Variants in KCNK10 observed in about 807,000 individuals in gnomAD.
KCNK10 encodes the protein potassium channel subfamily K member 10.
Under a neutral mutation model 47.7 loss-of-function variants are expected in KCNK10, and 25 were observed. The observed-to-expected ratio is 0.52, with a 90% CI of 0.38 to 0.73. The LOEUF is 0.73. Ranked by LOEUF, KCNK10 falls within the 30% of genes least tolerant of loss-of-function variation. The pLI is 0.00. For missense variants in KCNK10, 563 were observed against 714.5 expected, an observed-to-expected ratio of 0.79 and a Z score of 2.42; for synonymous variants, 303 against 285.6, an observed-to-expected ratio of 1.06 and a Z score of -0.61.
At chr14:88,288,335 C>T (rs569762395) in intron 1 of KCNK10, among the ~76,000 whole-genome samples, 2 of 152,292 alleles carry the variant, frequency 1.3e-5, no homozygotes, top group Admixed American at 6.5e-5. Context: ...CCCAACTCTG[C>T]CTCTTCTCCT....
intron 2 of KCNK10, among the ~76,000 whole-genome samples, chr14:88,261,008 T>C (rs1595111307): frequency 6.6e-6 from 1 of 152,190 alleles, no homozygotes; most frequent in Admixed American, 6.5e-5. Context: ...GAATGGGCAA[T>C]ACGGAAATGC....
At chr14:88,225,801 C>T (rs925111220) in intron 4 of KCNK10, among the ~76,000 whole-genome samples, 3 of 152,218 alleles carry the variant, frequency 2.0e-5, no homozygotes, top group African/African-American at 7.2e-5. Flanking sequence ...TAAAAGGGTG[C>T]TTCCAAGAAG....
chr14:88,311,767 A>G (rs114915428), intron 1 of KCNK10, among the ~76,000 whole-genome samples: 3,036 of 152,090 alleles, frequency 0.02, 110 homozygotes, highest in African/African-American at 0.069. Flanking sequence ...GGGCTACAGG[A>G]AGTGTTGAGT....
upstream of KCNK10, chr14:88,326,571 G>C (rs1235180952): frequency 1.3e-6 from 1 of 780,882 alleles, no homozygotes; most frequent in Non-Finnish European, 2.1e-6. Context: ...CGTTCCTGCG[G>C]CAGGAAAACA....
intron 2 of KCNK10, among the ~76,000 whole-genome samples, chr14:88,244,215 T>C (rs1886559569): frequency 6.6e-6 from 1 of 152,186 alleles, no homozygotes; most frequent in Non-Finnish European, 1.5e-5. Flanking sequence ...GGGTTATAAC[T>C]GACGTTACCA....
intron 4 of KCNK10, among the ~76,000 whole-genome samples, 187 bp downstream of exon 4, chr14:88,227,188 C>G (rs975688050): frequency 3.0e-4 from 45 of 152,152 alleles, no homozygotes; most frequent in African/African-American, 1.1e-3. Context: ...AAATAGGAAG[C>G]TACTCAAAGA....
rs185694173 is a variant in KCNK10 at position 88,196,957 on chromosome 14, A to G, written c.682-4547T>C. ...TCTATAAACTATGAGTAGAGCTTTT[A>G]AACACTCTCTGCCTAAAATCTCCAT... On this transcript the variant is annotated intron_variant, in intron 4 of 6. Transcript: ENST00000319231. Among the ~76,000 whole-genome samples, 777 of 152,344 alleles carry G rather than the reference A, an allele frequency of 5.1e-3. 16 individuals carry two copies. The highest frequency in any genetic ancestry group is 2.6e-3 in the Non-Finnish European group (178 of 68,034).
rs11159843 is a variant in KCNK10, at chr14:88,184,300, T to A, written c.*1235A>T. ...GAAACAAGCAAGGAGCAGTGGTGAC[T>A]TTTTCAGAATAAAGGAATGCCCAAA... On this transcript the variant is annotated 3_prime_UTR_variant, in exon 7 of 7. Coordinates refer to ENST00000319231, the MANE Select transcript of KCNK10 (RefSeq NM_138317.3). 0.31 allele frequency: 47,657 copies of A among 152,186 alleles called. 7,865 individuals are homozygous for A. Among genetic ancestry groups the A allele is most frequent in the East Asian group, 0.49 (2,605 of 5,300 alleles). 9.4% of individuals were successfully genotyped at this position (152,186 alleles called of 1,614,324 possible). A position where few individuals can be genotyped will look rare whatever the true frequency, so the allele number is the denominator to read the frequency against.
chr14:88,257,407 CA>C (rs1329849858), intron 2 of KCNK10, among the ~76,000 whole-genome samples: 4 of 152,240 alleles, frequency 2.6e-5, no homozygotes, highest in African/African-American at 7.2e-5. Context: ...TGATCACTTT[CA>C]ATGCCTCAAA....
At position 88,249,547 on chromosome 14, in the gene KCNK10, A is replaced by T. The variant is rs189853829; in HGVS notation, c.403-8727T>A. Among the ~76,000 whole-genome samples the T allele has an allele frequency of 4.3e-4, 66 of 152,288 alleles. 1 individual carries two copies. Among genetic ancestry groups the T allele is most frequent in the Admixed American group, 3.6e-3 (55 of 15,296 alleles). On this transcript the variant is annotated intron_variant, in intron 2 of 6. Coordinates refer to ENST00000319231, the MANE Select transcript of KCNK10 (RefSeq NM_138317.3). The stretch of plus-strand genomic sequence containing the variant: ...CTTGTCTTCTAGAACCAATCTAGTA[A>T]CCAATAGCTACTGGGCTGTAACTAT...
intron 3 of KCNK10, among the ~76,000 whole-genome samples, chr14:88,229,107 A>G (rs1301478517): frequency 6.6e-6 from 1 of 152,230 alleles, no homozygotes; most frequent in Non-Finnish European, 1.5e-5. Context: ...CTGTCTCACA[A>G]TAGCCTAACT....
chr14:88,189,013 A>G (rs986322488), intron 5 of KCNK10, among the ~76,000 whole-genome samples: 26 of 152,208 alleles, frequency 1.7e-4, no homozygotes, highest in African/African-American at 6.0e-4. Flanking sequence ...GGGAAACGCT[A>G]TTGCCTAAGG....
chr14:88,236,429 A>G (rs1886304682), intron 3 of KCNK10, among the ~76,000 whole-genome samples: 1 of 152,262 alleles, frequency 6.6e-6, no homozygotes, highest in African/African-American at 2.4e-5. Flanking sequence ...CTCACAGAAT[A>G]TTGCTCCCCT....
chr14:88,310,683 A>G (rs894457704), intron 1 of KCNK10, among the ~76,000 whole-genome samples: 5 of 152,232 alleles, frequency 3.3e-5, no homozygotes, highest in African/African-American at 1.2e-4. Context: ...AGCTTTCATT[A>G]ATTCAGGCTT....
intron 1 of KCNK10, among the ~76,000 whole-genome samples, chr14:88,305,823 T>C (rs1725662582): frequency 6.6e-6 from 1 of 152,214 alleles, no homozygotes; most frequent in Admixed American, 6.5e-5. Context: ...AACTAGCTAC[T>C]GCTGTCGCCC....
chr14:88,277,107 A>T (rs2139768390), intron 1 of KCNK10, among the ~76,000 whole-genome samples: 1 of 152,178 alleles, frequency 6.6e-6, no homozygotes. Context: ...ACACCCCAAC[A>T]CACTGCTTTG....
intron 1 of KCNK10, among the ~76,000 whole-genome samples, chr14:88,292,825 G>T (rs1887910336): frequency 6.6e-6 from 1 of 151,840 alleles, no homozygotes; most frequent in African/African-American, 2.4e-5. Context: ...TAGAGACAGG[G>T]TTTCACCAGG....
intron 1 of KCNK10, among the ~76,000 whole-genome samples, chr14:88,310,368 C>T (rs1888303206): frequency 6.6e-6 from 1 of 151,760 alleles, no homozygotes; most frequent in Admixed American, 6.6e-5. Context: ...ATGCCTAGCC[C>T]CATTTCTGCA....
At chr14:88,254,863 G>A (rs376560) in intron 2 of KCNK10, among the ~76,000 whole-genome samples, 152,349 of 152,350 alleles carry the variant, frequency 1, 76,174 homozygotes, top group Non-Finnish European at 1. Context: ...TTGTCTACTC[G>A]GTTCGCTTGA....
Sources: allele counts gnomAD v4.1 joint callset (sites outside exome capture counted in the v4.1 genomes callset), GRCh38; gene constraint gnomAD v4.1.1; transcripts MANE v1.5; gene names NCBI Gene and HGNC (gene_info 2026-07-23, HGNC 2026-07-21).